Variants in TRIP11 observed in about 807,000 individuals in gnomAD.
TRIP11 encodes thyroid hormone receptor interactor 11.
TRIP11 carries 148 observed loss-of-function variants against 223.1 expected under a neutral mutation model. The ratio of observed to expected loss-of-function variants is 0.66; its 90% confidence interval spans 0.58 to 0.76. The LOEUF (loss-of-function observed/expected upper bound fraction) is 0.76, where lower values mean the gene tolerates loss of function less well. TRIP11 is among the 30% of genes least tolerant of loss of function. The pLI is 0.00. For synonymous variants in TRIP11, 762 were observed against 772.6 expected, an observed-to-expected ratio of 0.99 and a Z score of 0.23; for missense variants, 2,043 against 2,222.0, an observed-to-expected ratio of 0.92 and a Z score of 1.62.
intron 15 of TRIP11, among the ~76,000 whole-genome samples, chr14:91,989,744 A>C (rs995726134): frequency 6.6e-6 from 1 of 152,044 alleles, no homozygotes; most frequent in Non-Finnish European, 1.5e-5. Context: ...AAAGTCCTTA[A>C]TCAGTTGAAT....
rs1466787615 is a variant in TRIP11 at position 91,999,372 on chromosome 14, T to C, written c.4760A>G (p.His1587Arg). The C allele has an allele frequency of 1.2e-6, 2 of 1,613,964 alleles. No homozygotes were observed. The highest frequency in any genetic ancestry group is 2.2e-5 in the East Asian group (1 of 44,836). Residue 1587 changes from histidine (H) to arginine (R), a missense_variant, in exon 13 of 21, where the codon CAT becomes CGT. Physicochemically the swap from His to Arg is conservative, Grantham distance 29. Coordinates refer to ENST00000267622, the MANE Select transcript of TRIP11 (RefSeq NM_004239.4). ...SNQELERLRN[H>R]LLESEDSYTR... ...ATAAGAATCTTCTGATTCTAAAAGATGATTACGCAATCTCTCTAGCTCTTG... is the reference window on the plus strand; with the variant it reads ...ATAAGAATCTTCTGATTCTAAAAGACGATTACGCAATCTCTCTAGCTCTTG...
chr14:91,994,171 C>T (rs1435452460), intron 14 of TRIP11, among the ~76,000 whole-genome samples: 1 of 152,022 alleles, frequency 6.6e-6, no homozygotes, highest in Admixed American at 6.6e-5. Flanking sequence ...TCTTTGGCAA[C>T]ACTTTCTCTA....
At chr14:92,023,929 C>T (rs1017343211) in intron 3 of TRIP11, among the ~76,000 whole-genome samples, 2 of 150,658 alleles carry the variant, frequency 1.3e-5, no homozygotes, top group Non-Finnish European at 2.9e-5. Context: ...GATCTCAGCT[C>T]ACTACAACCA....
chr14:92,015,553 G>C (rs2057024871), intron 6 of TRIP11, 143 bp downstream of exon 6: 3 of 588,864 alleles, frequency 5.1e-6, no homozygotes, highest in Non-Finnish European at 8.4e-6. Flanking sequence ...AGCTACTTGG[G>C]AGGCTGATGC....
intron 14 of TRIP11, among the ~76,000 whole-genome samples, chr14:91,994,861 C>T (rs543225631): frequency 7.2e-5 from 11 of 152,266 alleles, no homozygotes; most frequent in African/African-American, 2.6e-4. Context: ...TCCATATGGA[C>T]TAGAAAATGT....
chr14:91,999,008 G>C (rs989154385), intron 13 of TRIP11, among the ~76,000 whole-genome samples: 4 of 152,140 alleles, frequency 2.6e-5, no homozygotes, highest in African/African-American at 9.7e-5. Context: ...TCAAAACACA[G>C]ACAGTTTGAA....
At chr14:91,992,939 A>G (rs2056696679) in intron 15 of TRIP11, among the ~76,000 whole-genome samples, 1 of 139,316 alleles carries the variant, frequency 7.2e-6, no homozygotes, top group African/African-American at 2.7e-5. Context: ...AAAAAAAAAA[A>G]AGACAAGTTT....
chr14:92,008,812 A>G (rs2056937137), intron 9 of TRIP11, among the ~76,000 whole-genome samples: 1 of 152,136 alleles, frequency 6.6e-6, no homozygotes, highest in South Asian at 2.1e-4. Flanking sequence ...GCTGTAGTGC[A>G]CTATGATCAT....
Position 92,000,053 on chromosome 14 carries a change from T to G in TRIP11, c.4613A>C (p.Lys1538Thr). The change falls in exon 12 of 21, where the codon AAG becomes ACG. Residue 1538 changes from lysine to threonine, a missense_variant. Lys to Thr is a moderately conservative substitution (Grantham distance 78, BLOSUM62 -1). Transcript: ENST00000267622. ...LLNAVKSMQE[K>T]TVVFQQERDQ... Reference sequence around the variant, plus strand: ...TCTCTCCTGTTGAAACACAACTGTCTTCTCCTGCATTGATTTAACTGCATT... The same window carrying G: ...TCTCTCCTGTTGAAACACAACTGTCGTCTCCTGCATTGATTTAACTGCATT... 6.2e-7 allele frequency: 1 copy of G among 1,614,076 alleles called. No homozygotes were observed. Among genetic ancestry groups the G allele is most frequent in the Non-Finnish European group, 8.5e-7 (1 of 1,179,974 alleles).
At chr14:92,023,709 T>C (rs1179513864) in intron 3 of TRIP11, among the ~76,000 whole-genome samples, 1 of 152,196 alleles carries the variant, frequency 6.6e-6, no homozygotes, top group African/African-American at 2.4e-5. Flanking sequence ...TGTTCTATCA[T>C]AATGTTTATA....
intron 1 of TRIP11, among the ~76,000 whole-genome samples, chr14:92,035,821 T>C (rs1282128541): frequency 6.6e-6 from 1 of 152,112 alleles, no homozygotes; most frequent in Non-Finnish European, 1.5e-5. Flanking sequence ...CCTCAGGTGA[T>C]CCTGAGGCCC....
At chr14:92,012,698 CAT>C (rs1303376608) in intron 7 of TRIP11, among the ~76,000 whole-genome samples, 1 of 152,124 alleles carries the variant, frequency 6.6e-6, no homozygotes, top group East Asian at 1.9e-4. Flanking sequence ...GAAGAGGTAA[CAT>C]TGCTGCTTTA....
At chr14:91,992,463 T>C (rs1358806944) in intron 15 of TRIP11, among the ~76,000 whole-genome samples, 1 of 152,186 alleles carries the variant, frequency 6.6e-6, no homozygotes, top group African/African-American at 2.4e-5. Context: ...TTTGCAGCCA[T>C]TTAATACTTA....
intron 12 of TRIP11, 56 bp downstream of exon 12, chr14:91,999,912 T>C: frequency 6.2e-7 from 1 of 1,603,828 alleles, no homozygotes; most frequent in Non-Finnish European, 8.5e-7. Flanking sequence ...TCCAGTTCTC[T>C]TAATAGTTAT....
At position 92,005,871 on chromosome 14, in the gene TRIP11, T is replaced by C; in HGVS notation, c.2105A>G (p.Gln702Arg). The change falls in exon 11 of 21, where the codon CAG (glutamine) becomes CGG (arginine). Residue 702 changes from glutamine to arginine, a missense_variant. Coordinates refer to ENST00000267622, the MANE Select transcript of TRIP11 (RefSeq NM_004239.4). ...AATAGTGTTTTTTTCCAGAGAAAGCTGATTGTTACCAGCAAGACATTCTTC... is the reference window on the plus strand; with the variant it reads ...AATAGTGTTTTTTTCCAGAGAAAGCCGATTGTTACCAGCAAGACATTCTTC... ...QLEECLAGNN[Q>R]LSLEKNTIVE... 6.2e-7 allele frequency: 1 copy of C among 1,614,086 alleles called. No homozygotes were observed. The highest frequency in any genetic ancestry group is 8.5e-7 in the Non-Finnish European group (1 of 1,180,018).
In TRIP11 at chr14:92,037,802, G is replaced by C. The variant is rs2057339358; in HGVS notation, c.139+1745C>G. On this transcript the variant is annotated intron_variant, in intron 1 of 20. Transcript: ENST00000267622. This position sits in a 1 kb window ranked among gnomAD's most constrained non-coding sequence, Gnocchi z 4.2. ...GAGGCAGGAGAATTGCTTGAACCCG[G>C]GAGGCGAAGGTTGCAGCGAGCCGAG... 3.3e-5 allele frequency among the ~76,000 whole-genome samples: 5 copies of C among 152,210 alleles called. No homozygotes were observed. The highest frequency in any genetic ancestry group is 3.3e-4 in the Admixed American group (5 of 15,280).
At chr14:92,016,987 C>T (rs1024122952) in intron 5 of TRIP11, among the ~76,000 whole-genome samples, 1 of 152,184 alleles carries the variant, frequency 6.6e-6, no homozygotes, top group East Asian at 1.9e-4. Flanking sequence ...CACAAACTAG[C>T]GAAATTCTAC....
rs2057052910 is a variant in TRIP11, at chr14:92,017,729, C to G, written c.610G>C (p.Asp204His). The stretch of plus-strand genomic sequence containing the variant: ...CATATTTCACTTTGATCAGAGTTAT[C>G]TGTTCCTTGTGCTTTGGAAGTCTAG... The part of the protein sequence containing the change: ...IAQTSKAQGT[D>H]NSDQSEICKL... Residue 204 changes from aspartate (D) to histidine (H), a missense_variant, in exon 5 of 21, where the codon GAT becomes CAT. By Grantham distance (81) the Asp-to-His change is moderately conservative. Transcript: ENST00000267622. The G allele has an allele frequency of 6.2e-7, 1 of 1,612,848 alleles. No homozygotes were observed. The highest frequency in any genetic ancestry group is 8.5e-7 in the Non-Finnish European group (1 of 1,179,454).
intron 4 of TRIP11, among the ~76,000 whole-genome samples, chr14:92,021,186 A>G (rs2057109719): frequency 1.3e-5 from 2 of 151,884 alleles, no homozygotes; most frequent in African/African-American, 4.8e-5. Context: ...TAAGGTCAGG[A>G]GTTCGAGACT....
Sources: allele counts gnomAD v4.1 joint callset (sites outside exome capture counted in the v4.1 genomes callset), GRCh38; gene constraint gnomAD v4.1.1; non-coding constraint Gnocchi (gnomAD v3.1); transcripts MANE v1.5; gene names NCBI Gene and HGNC (gene_info 2026-07-23, HGNC 2026-07-21).